RAE1: variants seen among roughly 807,000 people sequenced by gnomAD.
RAE1 encodes ribonucleic acid export 1, also known as mRNA export factor RAE1.
Under a neutral mutation model 52.7 loss-of-function variants are expected in RAE1, and 13 were observed. The ratio of observed to expected loss-of-function variants is 0.25; its 90% confidence interval spans 0.16 to 0.39. RAE1 has a LOEUF of 0.39. Among genes scored for constraint, RAE1 ranks in the 10% least tolerant of loss-of-function variants. The pLI, the probability that RAE1 is intolerant of heterozygous loss-of-function variation, is 1.00. For synonymous variants in RAE1, 164 were observed against 153.1 expected, an observed-to-expected ratio of 1.07 and a Z score of -0.52; for missense variants, 262 against 459.8, an observed-to-expected ratio of 0.57 and a Z score of 3.93.
intron 11 of RAE1, chr20:57,375,091 T>G: frequency 1.5e-6 from 1 of 684,024 alleles, no homozygotes; most frequent in Non-Finnish European, 2.7e-6. Context: ...GGCTGCACTT[T>G]ATGAAGGGGG....
chr20:57,367,347 G>T lies in RAE1; in HGVS notation c.534+268G>T, dbSNP rs1189123321. 1.3e-5 allele frequency among the ~76,000 whole-genome samples: 2 copies of T among 152,140 alleles called. 1 individual carries two copies. Among genetic ancestry groups the T allele is most frequent in the African/African-American group, 4.8e-5 (2 of 41,430 alleles). ...TGCAGCTAGCTACATGCCATCTCTA[G>T]TGTGACATCTATCATGTCCTTTCCA... On this transcript the variant is annotated intron_variant, in intron 7 of 11. Coordinates refer to ENST00000395841, the MANE Select transcript of RAE1 (RefSeq NM_003610.4).
rs1269106817 is a variant in RAE1, at chr20:57,374,592, T to C, written c.826-15T>C. On this transcript the variant is annotated splice_polypyrimidine_tract_variant and intron_variant, in intron 10 of 11. Transcript: ENST00000395841. ...CCTCTGCCTGGCTTCTCATTGTGCATGTCAATCCTTGCAGGTAAATGGAAT... is the reference window on the plus strand; with the variant it reads ...CCTCTGCCTGGCTTCTCATTGTGCACGTCAATCCTTGCAGGTAAATGGAAT... 3 of 1,604,456 alleles carry C rather than the reference T, an allele frequency of 1.9e-6. No individual in the cohort carries two copies. The highest frequency in any genetic ancestry group is 1.3e-5 in the African/African-American group (1 of 74,766).
chr20:57,352,100 G>A (rs1052710059), intron 1 of RAE1: 29 of 596,826 alleles, frequency 4.9e-5, no homozygotes, highest in Non-Finnish European at 6.1e-5. Flanking sequence ...ATATGTTAAA[G>A]TTGGCAAAGA....
chr20:57,351,770 G>A, intron 1 of RAE1: 1 of 985,518 alleles, frequency 1.0e-6, no homozygotes, highest in Non-Finnish European at 1.2e-6. Flanking sequence ...TTGCAGAAGG[G>A]CGTCCCCTTT....
chr20:57,374,747 T>C lies in RAE1; in HGVS notation c.966T>C (p.Cys322=), dbSNP rs1368176677. The stretch of plus-strand genomic sequence containing the variant: ...TAGATCAGCCCATCTCAGCTTGCTG[T>C]TTCAATCACAATGGAAACATATTTG... ...EQLDQPISAC[C]FNHNGNIFAY... Residue 322 remains cysteine (C), a synonymous_variant, in exon 11 of 12, where the codon TGT becomes TGC. Transcript: ENST00000395841. 1.2e-6 allele frequency: 2 copies of C among 1,614,068 alleles called. No individual in the cohort carries two copies. The highest frequency in any genetic ancestry group is 1.6e-4 in the Middle Eastern group (1 of 6,084).
chr20:57,351,783 G>T, intron 1 of RAE1: 3 of 985,460 alleles, frequency 3.0e-6, no homozygotes, highest in Non-Finnish European at 2.4e-6. Context: ...TCCCCTTTTA[G>T]CCTCTTCCAC....
intron 4 of RAE1, among the ~76,000 whole-genome samples, chr20:57,357,167 A>G (rs760942165): frequency 2.6e-4 from 40 of 152,328 alleles, no homozygotes; most frequent in Admixed American, 3.3e-4. Context: ...CCTTTTTGGT[A>G]TACAGCTCTG....
intron 11 of RAE1, among the ~76,000 whole-genome samples, chr20:57,377,289 GCTGT>G (rs1354201731): frequency 1.3e-5 from 2 of 152,180 alleles, no homozygotes; most frequent in African/African-American, 2.4e-5. Flanking sequence ...GCTCCTGCCT[GCTGT>G]CTTTCTTCCG....
chr20:57,358,948 T>G (rs376221259), intron 4 of RAE1: 9 of 1,438,902 alleles, frequency 6.3e-6, no homozygotes, highest in Non-Finnish European at 8.2e-6. Context: ...TCCATAAGGT[T>G]TTCTCGTCTT....
chr20:57,364,458 A>C (rs1429464347), intron 4 of RAE1, among the ~76,000 whole-genome samples: 1 of 152,198 alleles, frequency 6.6e-6, no homozygotes, highest in Non-Finnish European at 1.5e-5. Context: ...ACCTCATTAA[A>C]AGCATGAGGA....
At chr20:57,374,089 C>A (rs960177636) in intron 10 of RAE1, among the ~76,000 whole-genome samples, 4 of 152,170 alleles carry the variant, frequency 2.6e-5, no homozygotes, top group Admixed American at 1.3e-4. Flanking sequence ...ACCATATTGG[C>A]CAGGCTGGTC....
intron 7 of RAE1, among the ~76,000 whole-genome samples, chr20:57,368,488 T>C (rs190019430): frequency 7.9e-5 from 12 of 152,330 alleles, no homozygotes; most frequent in Admixed American, 7.8e-4. Context: ...TTTCTAAATA[T>C]CCACATATTT....
intron 2 of RAE1, 123 bp downstream of exon 2, chr20:57,354,251 C>T: frequency 1.3e-6 from 1 of 776,804 alleles, no homozygotes; most frequent in Non-Finnish European, 2.1e-6. Flanking sequence ...CTTTGTCTAA[C>T]TCATGTTTCT....
rs1453742392 is a variant in RAE1, at chr20:57,377,996, T to G, written c.1021-17T>G. The G allele has an allele frequency of 3.2e-6, 5 of 1,559,634 alleles. No homozygotes were observed. The highest frequency in any genetic ancestry group is 8.8e-7 in the Non-Finnish European group (1 of 1,140,094). ...CTTTTGAATAATAAGATCATTGGTG[T>G]TTTTTGCTCTCTTTAGGGACATGAA... On this transcript the variant is annotated splice_polypyrimidine_tract_variant and intron_variant, in intron 11 of 11. Transcript: ENST00000395841.
intron 4 of RAE1, among the ~76,000 whole-genome samples, chr20:57,356,784 T>C (rs1414817716): frequency 2.0e-5 from 3 of 152,228 alleles, no homozygotes; most frequent in Non-Finnish European, 2.9e-5. Context: ...TAAGGGATAA[T>C]TTATGAAGAA....
intron 1 of RAE1, among the ~76,000 whole-genome samples, chr20:57,352,719 G>T (rs1310102474): frequency 6.6e-6 from 1 of 152,112 alleles, no homozygotes; most frequent in Non-Finnish European, 1.5e-5. Context: ...TGTGTGTGTG[G>T]CTTCATTTAG....
chr20:57,366,309 C>A (rs1177265312), intron 5 of RAE1, among the ~76,000 whole-genome samples: 2 of 152,146 alleles, frequency 1.3e-5, no homozygotes, highest in Non-Finnish European at 2.9e-5. Flanking sequence ...TAAAGAAATA[C>A]CTGAGACTGG....
intron 7 of RAE1, among the ~76,000 whole-genome samples, 180 bp downstream of exon 7, chr20:57,367,259 T>C (rs1308698681): frequency 6.6e-6 from 1 of 152,224 alleles, no homozygotes; most frequent in Non-Finnish European, 1.5e-5. Flanking sequence ...ATTTTTGTGC[T>C]GCGTTTCTTT....
rs917234994 is a variant in RAE1 at position 57,378,260 on chromosome 20, G to A, written c.*161G>A. 2.5e-5 allele frequency: 15 copies of A among 588,890 alleles called. No individual in the cohort carries two copies. The highest frequency in any genetic ancestry group is 1.5e-4 in the African/African-American group (8 of 53,834). 36.5% of individuals were successfully genotyped at this position (588,890 alleles called of 1,614,324 possible). A position where few individuals can be genotyped will look rare whatever the true frequency, so the allele number is the denominator to read the frequency against. On this transcript the variant is annotated 3_prime_UTR_variant, in exon 12 of 12. Coordinates refer to ENST00000395841, the MANE Select transcript of RAE1 (RefSeq NM_003610.4). ...TCAGCAGCTGAGAGCCCAGGCGTCC[G>A]CGGCGACTTGCCGTCTCTCCATTCC...
Sources: gnomAD v4.1 joint callset for allele counts (sites outside exome capture counted in the v4.1 genomes callset) on GRCh38, gnomAD v4.1.1 for gene constraint, MANE v1.5 for transcripts, NCBI Gene and HGNC (gene_info 2026-07-23, HGNC 2026-07-21) for gene names.